Variants in TRIM5 observed in about 807,000 individuals in gnomAD.
TRIM5 encodes the protein tripartite motif containing 5, also known as tripartite motif-containing protein 5.
A neutral mutation model predicts 35.6 loss-of-function variants in TRIM5; 31 were observed. The ratio of observed to expected loss-of-function variants is 0.87; its 90% CI spans 0.65 to 1.18. The LOEUF is 1.18. Among genes scored for constraint, TRIM5 ranks in the 50% most tolerant of loss-of-function variants. The pLI is 0.00. For synonymous variants in TRIM5, 243 were observed against 215.6 expected, an observed-to-expected ratio of 1.13 and a Z score of -1.11; for missense variants, 609 against 591.6, an observed-to-expected ratio of 1.03 and a Z score of -0.31.
Position 5,666,101 on chromosome 11 carries a change from A to AC in TRIM5, c.768-21_768-20insG, listed in dbSNP as rs766279940. On this transcript the variant is annotated intron_variant, in intron 5 of 7. Transcript: ENST00000380034. ...TCCGTCCTAAGAATTAAAAAAAAAA[A>AC]AAAAAACTTCCAAACCTTTGACCTT... 70 of 1,581,730 alleles carry AC rather than the reference A, an allele frequency of 4.4e-5. No homozygotes were observed. Among genetic ancestry groups the AC allele is most frequent in the East Asian group, 4.2e-4 (19 of 44,710 alleles).
At chr11:5,614,285 A>G in the TRIM5 span, among the ~76,000 whole-genome samples, 3 of 152,220 alleles carry the variant, frequency 2.0e-5, no homozygotes, top group African/African-American at 7.2e-5. Context: ...TTCATGCACC[A>G]AGCTTGCTTT....
the TRIM5 span, among the ~76,000 whole-genome samples, chr11:5,635,254 ATTTT>A: frequency 5.5e-5 from 7 of 128,312 alleles, no homozygotes; most frequent in East Asian, 2.2e-4. Context: ...TTCCCTGTTA[ATTTT>A]TTTTTTTTTT....
chr11:5,676,528 T>A (rs371779607), intron 4 of TRIM5, among the ~76,000 whole-genome samples: 1 of 151,752 alleles, frequency 6.6e-6, no homozygotes, highest in Non-Finnish European at 1.5e-5. Context: ...ATGGCCATAC[T>A]GCCCAAGGTA....
At chr11:5,617,818 A>C in the TRIM5 span, among the ~76,000 whole-genome samples, 49 of 150,912 alleles carry the variant, frequency 3.2e-4, no homozygotes, top group Non-Finnish European at 5.9e-4. Context: ...TGGTCCTATG[A>C]AAATAGGTAC....
chr11:5,634,703 G>C, the TRIM5 span: 1 of 1,614,048 alleles, frequency 6.2e-7, no homozygotes, highest in Non-Finnish European at 8.5e-7. Flanking sequence ...AAATAATGAG[G>C]AGCAGAGAGA....
At chr11:5,642,374 T>G in the TRIM5 span, 10 of 1,590,908 alleles carry the variant, frequency 6.3e-6, no homozygotes, top group Non-Finnish European at 7.7e-6. Flanking sequence ...GGATGAGAGA[T>G]GTGGGGGTCA....
chr11:5,655,129 G>A, the TRIM5 span, among the ~76,000 whole-genome samples: 1 of 151,604 alleles, frequency 6.6e-6, no homozygotes, highest in African/African-American at 2.4e-5. Flanking sequence ...GGAGGTGGAG[G>A]TTGCAGTGAG....
At chr11:5,643,196 A>T in the TRIM5 span, 4 of 1,603,572 alleles carry the variant, frequency 2.5e-6, no homozygotes, top group South Asian at 4.5e-5. Flanking sequence ...TCCTTTCAGA[A>T]GATCAGAGAC....
chr11:5,610,523 T>A, the TRIM5 span: 1 of 1,614,030 alleles, frequency 6.2e-7, no homozygotes, highest in Non-Finnish European at 8.5e-7. Context: ...TTGACTCTTT[T>A]CATCATTACA....
the TRIM5 span, among the ~76,000 whole-genome samples, chr11:5,654,641 T>C: frequency 2.6e-5 from 4 of 152,260 alleles, no homozygotes; most frequent in South Asian, 2.1e-4. Flanking sequence ...TGTGGGTTTG[T>C]ACCAATCACT....
chr11:5,590,057 C>G, the TRIM5 span: 1 of 157,104 alleles, frequency 6.4e-6, no homozygotes, highest in Admixed American at 6.5e-5. Context: ...GGTCCCCCAG[C>G]AGTGCCAGCC....
chr11:5,611,315 T>C, the TRIM5 span: 1 of 1,614,132 alleles, frequency 6.2e-7, no homozygotes, highest in South Asian at 1.1e-5. Flanking sequence ...GTGTAATTCC[T>C]ATGACCCTGC....
At chr11:5,645,126 C>T in the TRIM5 span, among the ~76,000 whole-genome samples, 4 of 152,234 alleles carry the variant, frequency 2.6e-5, no homozygotes, top group Admixed American at 6.5e-5. Context: ...CCAGCCAGCA[C>T]TTTGGGATCC....
At chr11:5,661,990 T>C (rs1184337693), downstream of TRIM5, among the ~76,000 whole-genome samples, 3 of 152,302 alleles carry the variant, frequency 2.0e-5, no homozygotes, top group East Asian at 1.9e-4. Flanking sequence ...TTGCCAATAA[T>C]TCAAGCTAGT....
chr11:5,673,577 C>T (rs1851726881), intron 4 of TRIM5, among the ~76,000 whole-genome samples: 1 of 152,006 alleles, frequency 6.6e-6, no homozygotes, highest in Admixed American at 6.5e-5. Context: ...TTAGCTTGAC[C>T]TAATGGACAT....
downstream of TRIM5, among the ~76,000 whole-genome samples, chr11:5,659,893 G>C (rs1028798802): frequency 6.6e-6 from 1 of 151,976 alleles, no homozygotes; most frequent in Non-Finnish European, 1.5e-5. Flanking sequence ...CTTGACTAGA[G>C]TTTATACAAT....
the TRIM5 span, among the ~76,000 whole-genome samples, chr11:5,634,437 G>GA: frequency 0.019 from 2,530 of 130,746 alleles, 68 homozygotes; most frequent in African/African-American, 0.069. Context: ...TGAACTCCCT[G>GA]AAAAAAAAAA....
chr11:5,621,403 C>G, the TRIM5 span, among the ~76,000 whole-genome samples: 1 of 152,202 alleles, frequency 6.6e-6, no homozygotes, highest in Non-Finnish European at 1.5e-5. Flanking sequence ...CTTGCCAACT[C>G]TTGTTAGCCA....
intron 5 of TRIM5, 100 bp from the exon 6 acceptor site, chr11:5,666,181 A>G: frequency 1.0e-6 from 1 of 992,166 alleles, no homozygotes. Context: ...AGGCACTTGA[A>G]CTCTCTTCTT....
Sources: gnomAD v4.1 joint callset for allele counts (sites outside exome capture counted in the v4.1 genomes callset) on GRCh38, gnomAD v4.1.1 for gene constraint, MANE v1.5 for transcripts, NCBI Gene and HGNC (gene_info 2026-07-23, HGNC 2026-07-21) for gene names.